The following FBXL17 variants were observed in gnomAD, a reference collection of about 807,000 sequenced individuals.
FBXL17 encodes F-box and leucine rich repeat protein 17.
Under a neutral mutation model 66.2 loss-of-function variants are expected in FBXL17, and 22 were observed. The ratio of observed to expected loss-of-function variants is 0.33; its 90% CI spans 0.24 to 0.47. The LOEUF is 0.47. Ranked by LOEUF, FBXL17 falls within the 20% of genes least tolerant of loss-of-function variation. The pLI is 1.00. For missense variants in FBXL17, 878 were observed against 948.2 expected, an observed-to-expected ratio of 0.93 and a Z score of 0.97; for synonymous variants, 474 against 400.5, an observed-to-expected ratio of 1.18 and a Z score of -2.19.
intron 8 of FBXL17, among the ~76,000 whole-genome samples, chr5:107,866,635 C>T (rs1748285343): frequency 3.3e-5 from 5 of 152,164 alleles, no homozygotes. Flanking sequence ...AAACCCAGGC[C>T]TGACTTATCT....
chr5:107,951,447 A>T (rs1751494464), intron 7 of FBXL17, among the ~76,000 whole-genome samples: 1 of 152,246 alleles, frequency 6.6e-6, no homozygotes, highest in Admixed American at 6.5e-5. Flanking sequence ...TGCTTAGCTG[A>T]TGGCACTTGA....
intron 4 of FBXL17, among the ~76,000 whole-genome samples, chr5:108,319,036 T>G (rs998186571): frequency 6.6e-6 from 1 of 151,874 alleles, no homozygotes; most frequent in Non-Finnish European, 1.5e-5. Flanking sequence ...TCTACTCCCC[T>G]GAAAGACACA....
chr5:107,956,379 A>C (rs2112617694), intron 7 of FBXL17, among the ~76,000 whole-genome samples: 1 of 152,168 alleles, frequency 6.6e-6, no homozygotes, highest in South Asian at 2.1e-4. Context: ...CTATAGAAAA[A>C]CTTGGCTTGC....
chr5:107,968,827 G>C (rs1384547193), intron 7 of FBXL17, among the ~76,000 whole-genome samples: 2 of 151,986 alleles, frequency 1.3e-5, no homozygotes, highest in African/African-American at 4.8e-5. Flanking sequence ...TGATAAGCTA[G>C]TTTTTTTCCT....
At chr5:108,352,341 T>A (rs551854401) in intron 3 of FBXL17, among the ~76,000 whole-genome samples, 10 of 152,336 alleles carry the variant, frequency 6.6e-5, no homozygotes, top group South Asian at 4.1e-4. Flanking sequence ...TATTTACAAT[T>A]TGGCTGACAG....
intron 4 of FBXL17, among the ~76,000 whole-genome samples, chr5:108,313,614 T>C (rs905562645): frequency 6.6e-6 from 1 of 152,018 alleles, no homozygotes; most frequent in East Asian, 1.9e-4. Context: ...GGTACCAGGT[T>C]TAAAGATTTT....
At chr5:108,173,727 T>A (rs189222750) in intron 6 of FBXL17, among the ~76,000 whole-genome samples, 2 of 152,312 alleles carry the variant, frequency 1.3e-5, no homozygotes, top group East Asian at 3.9e-4. Flanking sequence ...TTTGACAATA[T>A]GGTGAACAGA....
intron 1 of FBXL17, among the ~76,000 whole-genome samples, chr5:108,378,329 TTTTG>T (rs149601086): frequency 1.3e-5 from 2 of 150,806 alleles, no homozygotes; most frequent in South Asian, 4.2e-4. Context: ...CGTTTTTGTT[TTTTG>T]TTTTTTTGTT....
At chr5:108,023,612 C>T (rs1274937449) in intron 6 of FBXL17, among the ~76,000 whole-genome samples, 2 of 152,054 alleles carry the variant, frequency 1.3e-5, no homozygotes, top group African/African-American at 4.8e-5. Context: ...TTTTAGAGTC[C>T]ATTCTATAAC....
At chr5:107,975,415 G>C (rs1227635399) in intron 7 of FBXL17, among the ~76,000 whole-genome samples, 1 of 152,106 alleles carries the variant, frequency 6.6e-6, no homozygotes, top group Non-Finnish European at 1.5e-5. Context: ...ATTACATACA[G>C]AAATGTCATA....
intron 6 of FBXL17, among the ~76,000 whole-genome samples, chr5:108,074,937 TGATTTAAACACTTAGA>T (rs1388743364): frequency 6.6e-6 from 1 of 152,208 alleles, no homozygotes; most frequent in Non-Finnish European, 1.5e-5. Context: ...AAGAAAGGCA[TGATTTAAACACTTAGA>T]GAAATGTCTT....
chr5:108,073,497 CATG>C (rs1748420200), intron 6 of FBXL17, among the ~76,000 whole-genome samples: 1 of 151,954 alleles, frequency 6.6e-6, no homozygotes, highest in African/African-American at 2.4e-5. Flanking sequence ...AAATATTACA[CATG>C]AAGAAACGAA....
At chr5:108,217,740 T>C (rs1754670932) in intron 5 of FBXL17, among the ~76,000 whole-genome samples, 1 of 152,186 alleles carries the variant, frequency 6.6e-6, no homozygotes, top group Admixed American at 6.5e-5. Flanking sequence ...GCTGCCTAAC[T>C]GAAATTTTGT....
intron 6 of FBXL17, among the ~76,000 whole-genome samples, chr5:108,081,212 A>G (rs1748749528): frequency 6.6e-6 from 1 of 152,058 alleles, no homozygotes; most frequent in Non-Finnish European, 1.5e-5. Flanking sequence ...TGAATTCCAA[A>G]AGGAGGAGAG....
At chr5:107,925,960 T>C (rs898809253) in intron 7 of FBXL17, among the ~76,000 whole-genome samples, 1 of 152,228 alleles carries the variant, frequency 6.6e-6, no homozygotes, top group African/African-American at 2.4e-5. Flanking sequence ...TGCAATGTTT[T>C]TGCACATAAA....
At chr5:108,253,855 T>C (rs1418709497) in intron 4 of FBXL17, among the ~76,000 whole-genome samples, 1 of 151,938 alleles carries the variant, frequency 6.6e-6, no homozygotes, top group Non-Finnish European at 1.5e-5. Context: ...TAGCCAGGCA[T>C]GGTGGTGGGT....
intron 7 of FBXL17, among the ~76,000 whole-genome samples, chr5:107,944,612 T>C (rs1348714240): frequency 6.6e-6 from 1 of 152,188 alleles, no homozygotes; most frequent in Non-Finnish European, 1.5e-5. Context: ...AAGATAATTT[T>C]AGAAATATTT....
chr5:108,096,277 TC>T (rs1458256210), intron 6 of FBXL17, among the ~76,000 whole-genome samples: 3 of 152,228 alleles, frequency 2.0e-5, no homozygotes, highest in Non-Finnish European at 4.4e-5. Context: ...TAATTCATTA[TC>T]AATAACATTG....
Position 108,382,033 on chromosome 5 carries a change from A to C in FBXL17, c.-342T>G. 5.0e-6 allele frequency: 5 copies of C among 1,008,826 alleles called. No homozygotes were observed. Among genetic ancestry groups the C allele is most frequent in the East Asian group, 5.4e-5 (1 of 18,578 alleles). The allele number at this position is 1,008,826 out of a possible 1,614,324, so 62.5% of individuals were successfully genotyped here. On this transcript the variant is annotated 5_prime_UTR_variant, in exon 1 of 9. Transcript: ENST00000542267. ...AGTCAGTCAGCGGAGCGGCCGGGGAAAGGCCGGGTCCCGCTCGGACCATTT... is the reference window on the plus strand; with the variant it reads ...AGTCAGTCAGCGGAGCGGCCGGGGACAGGCCGGGTCCCGCTCGGACCATTT...
Sources: gnomAD v4.1 joint callset for allele counts (sites outside exome capture counted in the v4.1 genomes callset) on GRCh38, gnomAD v4.1.1 for gene constraint, MANE v1.5 for transcripts, NCBI Gene and HGNC (gene_info 2026-07-23, HGNC 2026-07-21) for gene names.